Variants in ADAMTS19 observed in about 807,000 individuals in gnomAD.
ADAMTS19 encodes ADAM metallopeptidase with thrombospondin type 1 motif 19.
A neutral mutation model predicts 153.3 loss-of-function variants in ADAMTS19; 93 were observed. The observed-to-expected ratio is 0.61, with a 90% CI of 0.51 to 0.72. The LOEUF (loss-of-function observed/expected upper bound fraction) is 0.72. Among genes scored for constraint, ADAMTS19 ranks in the 30% least tolerant of loss-of-function variants. The pLI, the probability that ADAMTS19 is intolerant of heterozygous loss-of-function variation, is 0.00. For synonymous variants in ADAMTS19, 600 were observed against 556.6 expected (o/e 1.08, Z -1.10); for missense variants, 1,482 against 1,552.1 (o/e 0.95, Z 0.76).
At chr5:129,498,470 G>T (rs1266357762) in intron 2 of ADAMTS19, among the ~76,000 whole-genome samples, 1 of 151,800 alleles carries the variant, frequency 6.6e-6, no homozygotes, top group African/African-American at 2.4e-5. Context: ...CTGGTACTAA[G>T]TATTATAGCT....
chr5:129,642,475 T>A (rs903636952), intron 11 of ADAMTS19, among the ~76,000 whole-genome samples: 12 of 152,184 alleles, frequency 7.9e-5, no homozygotes, highest in African/African-American at 2.9e-4. Context: ...CTTTAAAAAT[T>A]TGTTAGTATA....
At chr5:129,558,085 T>C (rs1379901144) in intron 7 of ADAMTS19, among the ~76,000 whole-genome samples, 1 of 57,304 alleles carries the variant, frequency 1.7e-5, no homozygotes, top group Non-Finnish European at 4.1e-5. Context: ...AAGTAGGAAC[T>C]TTATTAACCA....
intron 11 of ADAMTS19, among the ~76,000 whole-genome samples, chr5:129,643,770 T>C (rs1752933060): frequency 6.6e-6 from 1 of 152,180 alleles, no homozygotes; most frequent in South Asian, 2.1e-4. Context: ...CATCAGAATT[T>C]GGGTCTGTTT....
intron 2 of ADAMTS19, among the ~76,000 whole-genome samples, chr5:129,503,723 G>C (rs1751180124): frequency 6.6e-6 from 1 of 152,010 alleles, no homozygotes; most frequent in African/African-American, 2.4e-5. Context: ...AACTACTAGG[G>C]AGGCTGAGGC....
intron 21 of ADAMTS19, among the ~76,000 whole-genome samples, chr5:129,734,148 A>G (rs751603366): frequency 5.9e-5 from 9 of 151,918 alleles, no homozygotes; most frequent in Non-Finnish European, 1.3e-4. Flanking sequence ...CCACGTGGAC[A>G]TAGAGAAAGA....
chr5:129,545,593 C>A (rs1038128446), intron 6 of ADAMTS19, among the ~76,000 whole-genome samples: 11 of 152,172 alleles, frequency 7.2e-5, no homozygotes, highest in African/African-American at 2.7e-4. Flanking sequence ...ACAGACACTT[C>A]TCAAAAGAAG....
chr5:129,536,963 G>A (rs1752456952), intron 6 of ADAMTS19, among the ~76,000 whole-genome samples: 1 of 151,796 alleles, frequency 6.6e-6, no homozygotes, highest in Admixed American at 6.6e-5. Flanking sequence ...AATGCTAAAT[G>A]ATGAGTTAAT....
intron 6 of ADAMTS19, among the ~76,000 whole-genome samples, chr5:129,546,030 T>TA (rs1341678834): frequency 6.7e-6 from 1 of 148,746 alleles, no homozygotes; most frequent in Non-Finnish European, 1.5e-5. Flanking sequence ...ATGTGGCACA[T>TA]ATACACCATG....
At chr5:129,542,729 A>T (rs984480600) in intron 6 of ADAMTS19, among the ~76,000 whole-genome samples, 3 of 152,158 alleles carry the variant, frequency 2.0e-5, no homozygotes, top group African/African-American at 7.2e-5. Flanking sequence ...TTTCAGAAAG[A>T]TATATATATT....
chr5:129,543,432 A>T (rs745789237), intron 6 of ADAMTS19, among the ~76,000 whole-genome samples: 3 of 152,198 alleles, frequency 2.0e-5, no homozygotes, highest in Non-Finnish European at 4.4e-5. Context: ...GTACAAACTG[A>T]TAAAAACATG....
chr5:129,729,050 G>C (rs1581269848), intron 21 of ADAMTS19, among the ~76,000 whole-genome samples: 1 of 152,050 alleles, frequency 6.6e-6, no homozygotes. Flanking sequence ...CCACCTAGAT[G>C]ACAGTAACTT....
intron 2 of ADAMTS19, 23 bp from the exon 3 acceptor site, chr5:129,509,054 T>C: frequency 1.3e-6 from 2 of 1,518,334 alleles, no homozygotes; most frequent in Non-Finnish European, 1.8e-6. Flanking sequence ...TTCTTACATA[T>C]CTTTTTGTGT....
intron 8 of ADAMTS19, among the ~76,000 whole-genome samples, chr5:129,609,561 T>C (rs1472457020): frequency 6.6e-6 from 1 of 152,180 alleles, no homozygotes; most frequent in East Asian, 1.9e-4. Flanking sequence ...TTACTTATCA[T>C]GAAGACTTGT....
chr5:129,677,922 C>G (rs1011002793), intron 16 of ADAMTS19, among the ~76,000 whole-genome samples: 3 of 152,150 alleles, frequency 2.0e-5, no homozygotes, highest in African/African-American at 7.2e-5. Flanking sequence ...AAGCGATCCA[C>G]CCACCTCAGC....
chr5:129,607,415 T>C (rs1198042451), intron 8 of ADAMTS19, among the ~76,000 whole-genome samples: 1 of 152,188 alleles, frequency 6.6e-6, no homozygotes, highest in Non-Finnish European at 1.5e-5. Context: ...ACATCATAAG[T>C]CTCCAACATA....
At chr5:129,483,303 T>C (rs1750478122) in intron 2 of ADAMTS19, among the ~76,000 whole-genome samples, 1 of 152,196 alleles carries the variant, frequency 6.6e-6, no homozygotes, top group Non-Finnish European at 1.5e-5. Context: ...TTGCTTCATA[T>C]TTAAAATGAG....
intron 13 of ADAMTS19, among the ~76,000 whole-genome samples, chr5:129,651,239 A>C (rs1195280869): frequency 1.3e-5 from 2 of 152,192 alleles, no homozygotes; most frequent in African/African-American, 4.8e-5. Context: ...TTTGAGCTCC[A>C]AACTTGTATG....
At chr5:129,614,469 G>A (rs1264786376) in intron 8 of ADAMTS19, among the ~76,000 whole-genome samples, 2 of 152,046 alleles carry the variant, frequency 1.3e-5, no homozygotes, top group South Asian at 2.1e-4. Flanking sequence ...GAAAAGGCCT[G>A]TGACAAAATT....
intron 21 of ADAMTS19, among the ~76,000 whole-genome samples, chr5:129,734,376 A>G (rs1408471965): frequency 6.6e-6 from 1 of 152,000 alleles, no homozygotes; most frequent in Non-Finnish European, 1.5e-5. Flanking sequence ...TAATACTAAC[A>G]TCATCTAATC....
Sources: allele counts gnomAD v4.1 joint callset (sites outside exome capture counted in the v4.1 genomes callset), GRCh38; gene constraint gnomAD v4.1.1; transcripts MANE v1.5; gene names NCBI Gene and HGNC (gene_info 2026-07-23, HGNC 2026-07-21).